Variants in FARP2 observed in about 807,000 individuals in gnomAD.
The protein encoded by FARP2 is FERM, ARH/RhoGEF and pleckstrin domain protein 2.
A neutral mutation model predicts 130.5 loss-of-function variants in FARP2; 111 were observed. The ratio of observed to expected loss-of-function variants is 0.85; its 90% CI spans 0.73 to 1.00. FARP2 has a LOEUF of 1.00. Ranked by LOEUF, FARP2 falls within the 50% of genes least tolerant of loss-of-function variation. The probability of loss-of-function intolerance (pLI) is 0.00; values close to 1 mark genes in which losing one functional copy is unlikely to be tolerated. For synonymous variants in FARP2, 504 were observed against 516.9 expected, an observed-to-expected ratio of 0.98 and a Z score of 0.34; for missense variants, 1,385 against 1,346.3, an observed-to-expected ratio of 1.03 and a Z score of -0.45.
At position 241,475,879 on chromosome 2, in the gene FARP2, G is replaced by A; in HGVS notation, c.2154G>A (p.Glu718=). 1.9e-6 allele frequency: 3 copies of A among 1,613,682 alleles called. No individual in the cohort carries two copies. The highest frequency in any genetic ancestry group is 2.5e-6 in the Non-Finnish European group (3 of 1,179,790). Residue 718 remains glutamate, a synonymous_variant, in exon 19 of 27, where the codon GAG becomes GAA. Transcript: ENST00000264042. This position sits in a 1 kb window ranked among gnomAD's most constrained non-coding sequence, Gnocchi z 4.4. ...CAGACGCCCTGAAAGCCATCACAGAGGTGACCACCACACTACAGCACATTC... is the reference window on the plus strand; with the variant it reads ...CAGACGCCCTGAAAGCCATCACAGAAGTGACCACCACACTACAGCACATTC... ...DCHDALKAIT[E]VTTTLQHILI...
chr2:241,427,296 C>A (rs1293055026), intron 8 of FARP2, among the ~76,000 whole-genome samples: 1 of 152,084 alleles, frequency 6.6e-6, no homozygotes, highest in African/African-American at 2.4e-5. Flanking sequence ...AAATTTAACA[C>A]AGTACAGTAA....
At chr2:241,455,280 G>A (rs988653484) in intron 13 of FARP2, among the ~76,000 whole-genome samples, 1 of 152,200 alleles carries the variant, frequency 6.6e-6, no homozygotes, top group Non-Finnish European at 1.5e-5. Context: ...AGTTACTTCT[G>A]TTGCAACATT....
intron 2 of FARP2, among the ~76,000 whole-genome samples, chr2:241,393,350 G>C (rs1412076174): frequency 6.6e-6 from 1 of 152,098 alleles, no homozygotes; most frequent in African/African-American, 2.4e-5. Context: ...ATTTGGAGTA[G>C]AAGTTTGGTG....
chr2:241,410,411 G>A (rs2062484592), intron 5 of FARP2, among the ~76,000 whole-genome samples: 2 of 149,590 alleles, frequency 1.3e-5, no homozygotes, highest in Admixed American at 6.8e-5. Context: ...TAGATGGTAT[G>A]CCTGAAAAGG....
chr2:241,484,888 T>C lies in FARP2; in HGVS notation c.2421+557T>C, dbSNP rs189367824. On this transcript the variant is annotated intron_variant, in intron 21 of 26. Coordinates refer to ENST00000264042, the MANE Select transcript of FARP2 (RefSeq NM_014808.4). ...TGTCCACTTGCCCTGAGCGTGTCCC[T>C]GCACTAGGCCTAGAACGGTACAGAC... is the stretch of plus-strand genomic sequence containing the variant. Among the ~76,000 whole-genome samples the C allele has an allele frequency of 3.4e-4, 51 of 152,164 alleles. 1 individual carries two copies. The highest frequency in any genetic ancestry group is 1.1e-3 in the African/African-American group (46 of 41,412).
intron 16 of FARP2, chr2:241,463,696 T>C (rs1309666408): frequency 1.3e-5 from 9 of 679,628 alleles, no homozygotes; most frequent in Non-Finnish European, 2.2e-5. Context: ...CCTTTTTGCC[T>C]GGTTACTATC....
At chr2:241,458,815 G>A (rs535130473) in intron 14 of FARP2, among the ~76,000 whole-genome samples, 3 of 152,346 alleles carry the variant, frequency 2.0e-5, no homozygotes, top group Admixed American at 6.5e-5. Flanking sequence ...AGGATAATTG[G>A]GCTGGTGGCA....
intron 14 of FARP2, among the ~76,000 whole-genome samples, chr2:241,458,204 T>C (rs777925931): frequency 1.3e-5 from 2 of 152,042 alleles, no homozygotes; most frequent in Non-Finnish European, 2.9e-5. Flanking sequence ...GTAGACTATA[T>C]TGGGCCTGGA....
chr2:241,409,800 T>C (rs1006641028), intron 5 of FARP2, among the ~76,000 whole-genome samples: 2 of 152,228 alleles, frequency 1.3e-5, no homozygotes, highest in Admixed American at 6.5e-5. Context: ...TATAAAAATA[T>C]ACTAAATTAG....
At chr2:241,368,756 G>C (rs369445919) in intron 1 of FARP2, among the ~76,000 whole-genome samples, 1 of 152,028 alleles carries the variant, frequency 6.6e-6, no homozygotes. Flanking sequence ...ATAGGTGTGC[G>C]CCACTATTCC....
At chr2:241,362,055 C>T (rs1425940938) in intron 1 of FARP2, among the ~76,000 whole-genome samples, 1 of 151,850 alleles carries the variant, frequency 6.6e-6, no homozygotes, top group African/African-American at 2.4e-5. Context: ...CCACCACGCC[C>T]AGCCAATTTT....
chr2:241,396,211 G>C (rs2062023793), intron 2 of FARP2, among the ~76,000 whole-genome samples: 2 of 151,988 alleles, frequency 1.3e-5, no homozygotes. Flanking sequence ...TTAAACGTTA[G>C]ACCTAAAACC....
intron 24 of FARP2, 60 bp downstream of exon 24, chr2:241,491,739 T>G: frequency 2.0e-6 from 3 of 1,506,414 alleles, no homozygotes; most frequent in Non-Finnish European, 2.7e-6. Context: ...TCTCTGCACT[T>G]GGCTGCTGAG....
At chr2:241,406,871 G>A (rs936742826) in intron 4 of FARP2, among the ~76,000 whole-genome samples, 6 of 151,876 alleles carry the variant, frequency 4.0e-5, no homozygotes, top group Non-Finnish European at 8.8e-5. Flanking sequence ...GCAGTGGCAC[G>A]ATCGCGGCTC....
chr2:241,490,804 C>A (rs1426357076), intron 22 of FARP2, among the ~76,000 whole-genome samples: 1 of 152,200 alleles, frequency 6.6e-6, no homozygotes, highest in African/African-American at 2.4e-5. Context: ...CCCTGCAGAC[C>A]CCCTGTTCTA....
intron 8 of FARP2, among the ~76,000 whole-genome samples, chr2:241,423,939 AG>A (rs2062869455): frequency 6.6e-6 from 1 of 152,180 alleles, no homozygotes; most frequent in African/African-American, 2.4e-5. Context: ...CCAATACAGG[AG>A]CCCCCAGATT....
rs543832509 is a variant in FARP2, at chr2:241,380,545, A to G, written c.183+7255A>G. The stretch of plus-strand genomic sequence containing the variant: ...TTTTTTCAGATTTTGGAATATTTGC[A>G]TTATGCTTATTAGTCAAGCATCCCG... On this transcript the variant is annotated intron_variant, in intron 2 of 26. Transcript: ENST00000264042. Among the ~76,000 whole-genome samples the G allele has an allele frequency of 1.3e-4, 20 of 152,170 alleles. 1 individual carries two copies. In the South Asian group the frequency reaches 4.1e-3, roughly 32 times the overall value.
intron 13 of FARP2, chr2:241,445,232 G>A (rs2063485227): frequency 7.4e-6 from 1 of 135,406 alleles, no homozygotes; most frequent in African/African-American, 2.9e-5. Flanking sequence ...GTGCTAGAGC[G>A]AGGCCCTGTC....
chr2:241,418,863 T>C (rs755170746), intron 8 of FARP2, among the ~76,000 whole-genome samples: 1 of 152,210 alleles, frequency 6.6e-6, no homozygotes, highest in Non-Finnish European at 1.5e-5. Flanking sequence ...GCACCCAGGC[T>C]AAATATGTCC....
Sources: allele counts gnomAD v4.1 joint callset (sites outside exome capture counted in the v4.1 genomes callset), GRCh38; gene constraint gnomAD v4.1.1; non-coding constraint Gnocchi (gnomAD v3.1); transcripts MANE v1.5; gene names NCBI Gene and HGNC (gene_info 2026-07-23, HGNC 2026-07-21).